The following PHYKPL variants were observed in gnomAD, a reference collection of about 807,000 sequenced individuals.
PHYKPL encodes 5-phosphonooxy-L-lysine phospho-lyase.
Under a neutral mutation model 51.3 loss-of-function variants are expected in PHYKPL, and 42 were observed. The ratio of observed to expected loss-of-function variants is 0.82; its 90% CI spans 0.64 to 1.06. The LOEUF is 1.06. Ranked by LOEUF, PHYKPL falls within the 50% of genes least tolerant of loss-of-function variation. The pLI, the probability that PHYKPL is intolerant of heterozygous loss-of-function variation, is 0.00. For missense variants in PHYKPL, 655 were observed against 586.6 expected, an observed-to-expected ratio of 1.12 and a Z score of -1.20; for synonymous variants, 264 against 236.0, an observed-to-expected ratio of 1.12 and a Z score of -1.09.
At position 178,215,392 on chromosome 5, in the gene PHYKPL, G is replaced by A. The variant is rs368075309; in HGVS notation, c.966C>T (p.Ala322=). 9.3e-6 allele frequency: 15 copies of A among 1,613,770 alleles called. No individual in the cohort carries two copies. Among genetic ancestry groups the A allele is most frequent in the South Asian group, 5.5e-5 (5 of 91,066 alleles). Residue 322 remains alanine (A), a synonymous_variant, in exon 9 of 13, where the codon GCC becomes GCT. Coordinates refer to ENST00000308158, the MANE Select transcript of PHYKPL (RefSeq NM_153373.4). ...GCTCCTTCTCCAAGACATTCAGGACGGCCAGCCCCACAGCGCAGGACACTG... is the reference window on the plus strand; with the variant it reads ...GCTCCTTCTCCAAGACATTCAGGACAGCCAGCCCCACAGCGCAGGACACTG... ...GSPVSCAVGL[A]VLNVLEKEQL...
chr5:178,232,375 G>C, intron 1 of PHYKPL, 117 bp downstream of exon 1: 2 of 1,315,434 alleles, frequency 1.5e-6, no homozygotes, highest in Non-Finnish European at 1.9e-6. Context: ...GACGGGATGG[G>C]TAGCAGCGGC....
At chr5:178,221,122 A>G (rs970893438) in intron 8 of PHYKPL, among the ~76,000 whole-genome samples, 19 of 152,218 alleles carry the variant, frequency 1.2e-4, no homozygotes, top group African/African-American at 4.6e-4. Context: ...GGTTAACTGA[A>G]TAACTAGAAG....
At chr5:178,214,352 G>A (rs915848016) in intron 10 of PHYKPL, among the ~76,000 whole-genome samples, 1 of 152,122 alleles carries the variant, frequency 6.6e-6, no homozygotes, top group African/African-American at 2.4e-5. Context: ...TTAGGAGCAG[G>A]AGTCTTGTCC....
chr5:178,214,928 G>A (rs1286541643), intron 9 of PHYKPL, 43 bp from the exon 10 acceptor site: 2 of 1,580,874 alleles, frequency 1.3e-6, no homozygotes, highest in South Asian at 2.2e-5. Flanking sequence ...CAGGCCTGAG[G>A]GGCCAGGGTG....
chr5:178,209,338 C>G, intron 12 of PHYKPL: 1 of 1,613,942 alleles, frequency 6.2e-7, no homozygotes, highest in Non-Finnish European at 8.5e-7. Context: ...AGTGTGAGAT[C>G]AAGGTGGCCC....
In PHYKPL at chr5:178,224,717, G is replaced by A. The variant is rs1216567480; in HGVS notation, c.426C>T (p.Gly142=). 2.5e-6 allele frequency: 4 copies of A among 1,613,758 alleles called. No homozygotes were observed. The African/African-American group carries it at 5.3e-5, about 22-fold the overall frequency. ...TGATGTCAATCAGGGAGCTCAGGTG[G>A]CCGTGATACGCACTGGGGAGGAGAA... ...DVVVLDHAYH[G]HLSSLIDISP... is the part of the protein sequence containing the mutation. The change falls in exon 5 of 13, where the codon GGC becomes GGT. Residue 142 remains glycine, a synonymous_variant. Coordinates refer to ENST00000308158, the MANE Select transcript of PHYKPL (RefSeq NM_153373.4).
At chr5:178,210,122 C>G in intron 12 of PHYKPL, 1 of 1,613,710 alleles carries the variant, frequency 6.2e-7, no homozygotes, top group South Asian at 1.1e-5. Flanking sequence ...GTGCCCTGCT[C>G]CCCCCACAGG....
At position 178,224,623 on chromosome 5, in the gene PHYKPL, T is replaced by C. The variant is rs781475968; in HGVS notation, c.501+19A>G. Reference sequence around the variant, plus strand: ...TTGGGGACAGGCACCGACCTGTTGTTGAGTTGGGCAGTGCATACCACGTGG... The same window carrying C: ...TTGGGGACAGGCACCGACCTGTTGTCGAGTTGGGCAGTGCATACCACGTGG... On this transcript the variant is annotated intron_variant, in intron 5 of 12. Transcript: ENST00000308158. 6.2e-7 allele frequency: 1 copy of C among 1,614,192 alleles called. No homozygotes were observed. Among genetic ancestry groups the C allele is most frequent in the Non-Finnish European group, 8.5e-7 (1 of 1,180,038 alleles).
At chr5:178,231,704 G>GAAA (rs1421848205) in intron 1 of PHYKPL, 181 bp from the exon 2 acceptor site, 1 of 1,551,716 alleles carries the variant, frequency 6.4e-7, no homozygotes, top group African/African-American at 1.4e-5. Flanking sequence ...TGCAAAGCAG[G>GAAA]AAGCAGATGG....
intron 8 of PHYKPL, among the ~76,000 whole-genome samples, chr5:178,222,072 G>A (rs1438719302): frequency 6.6e-6 from 1 of 152,194 alleles, no homozygotes; most frequent in Non-Finnish European, 1.5e-5. Flanking sequence ...ACAGGGCGTG[G>A]CACAGAATGG....
intron 8 of PHYKPL, among the ~76,000 whole-genome samples, chr5:178,221,789 TA>T (rs1447094060): frequency 1.3e-5 from 2 of 152,132 alleles, no homozygotes; most frequent in Non-Finnish European, 2.9e-5. Flanking sequence ...TCTCCAGGAT[TA>T]AAACCCTCCT....
intron 8 of PHYKPL, among the ~76,000 whole-genome samples, chr5:178,220,545 G>C (rs79887418): frequency 6.6e-6 from 1 of 151,908 alleles, no homozygotes; most frequent in Non-Finnish European, 1.5e-5. Context: ...CTACTGGTGG[G>C]GTGTTAACTT....
At chr5:178,209,817 C>CTT (rs1757632362) in intron 12 of PHYKPL, among the ~76,000 whole-genome samples, 1 of 152,178 alleles carries the variant, frequency 6.6e-6, no homozygotes, top group African/African-American at 2.4e-5. Flanking sequence ...CCAGGCCCCT[C>CTT]TGACTCCAAA....
Position 178,213,079 on chromosome 5 carries a change from C to G in PHYKPL, c.1197G>C (p.Leu399=). The G allele has an allele frequency of 6.2e-7, 1 of 1,614,180 alleles. No individual in the cohort carries two copies. The highest frequency in any genetic ancestry group is 8.5e-7 in the Non-Finnish European group (1 of 1,180,010). ...TGTTCCTCCCAGGGCCATCAGTGCT[C>G]AGCAAAACGTAGTTCTCCTTCAGCC... ...VSRLKENYVL[L]STDGPGRNIL... Residue 399 remains leucine, a synonymous_variant, in exon 11 of 13, where the codon CTG becomes CTC. Transcript: ENST00000308158.
chr5:178,212,409 G>T (rs1758731767), intron 11 of PHYKPL, among the ~76,000 whole-genome samples: 1 of 152,208 alleles, frequency 6.6e-6, no homozygotes, highest in South Asian at 2.1e-4. Flanking sequence ...GCCTATTTAG[G>T]GTCTCACTGA....
At chr5:178,219,575 G>T (rs907317883) in intron 8 of PHYKPL, among the ~76,000 whole-genome samples, 1 of 151,370 alleles carries the variant, frequency 6.6e-6, no homozygotes, top group South Asian at 2.1e-4. Context: ...TCAGCCTCCC[G>T]AGTAGCTGGG....
At position 178,231,655 on chromosome 5, in the gene PHYKPL, T is replaced by C. The variant is rs58118907; in HGVS notation, c.60-132A>G. 6,740 of 1,594,624 alleles carry C rather than the reference T, an allele frequency of 4.2e-3. 263 individuals carry two copies. The African/African-American group carries it at 0.079, about 19-fold the overall frequency. On this transcript the variant is annotated intron_variant, in intron 1 of 12. Transcript: ENST00000308158. Reference sequence around the variant, plus strand: ...GGAAATGAGAGCTGGAAGGGCAAGGTGCTGCTTCCCTGCCTTGTCTCTCCA... The same window carrying C: ...GGAAATGAGAGCTGGAAGGGCAAGGCGCTGCTTCCCTGCCTTGTCTCTCCA...
Position 178,231,300 on chromosome 5 carries a change from C to G in PHYKPL, c.178+105G>C, listed in dbSNP as rs912343029. On this transcript the variant is annotated intron_variant, in intron 2 of 12. Coordinates refer to ENST00000308158, the MANE Select transcript of PHYKPL (RefSeq NM_153373.4). Reference sequence around the variant, plus strand: ...TCTGCATACTGACAGTGCCTCAACTCCACCCAGGTTCTCCACACCTCTCGG... The same window carrying G: ...TCTGCATACTGACAGTGCCTCAACTGCACCCAGGTTCTCCACACCTCTCGG... 10 of 1,571,264 alleles carry G rather than the reference C, an allele frequency of 6.4e-6. No individual in the cohort carries two copies. The African/African-American group carries it at 1.3e-4, about 21-fold the overall frequency.
intron 3 of PHYKPL, chr5:178,228,301 A>G: frequency 1.8e-6 from 1 of 540,758 alleles, no homozygotes; most frequent in East Asian, 3.1e-5. Flanking sequence ...AGCTGATAGA[A>G]AACAGGAGAG....
Sources: allele counts gnomAD v4.1 joint callset (sites outside exome capture counted in the v4.1 genomes callset), GRCh38; gene constraint gnomAD v4.1.1; transcripts MANE v1.5; gene names NCBI Gene and HGNC (gene_info 2026-07-23, HGNC 2026-07-21).